Variants in PIEZO2 observed in about 807,000 individuals in gnomAD.
PIEZO2 encodes piezo-type mechanosensitive ion channel component 2.
A neutral mutation model predicts 337.3 loss-of-function variants in PIEZO2; 172 were observed. That is an observed-to-expected ratio of 0.51 (90% CI 0.45 to 0.58). The LOEUF (loss-of-function observed/expected upper bound fraction) is 0.58. Among genes scored for constraint, PIEZO2 ranks in the 20% least tolerant of loss-of-function variants. PIEZO2 has a pLI of 0.00. For missense variants in PIEZO2, 3,028 were observed against 3,391.3 expected, an observed-to-expected ratio of 0.89 and a Z score of 2.66; for synonymous variants, 1,251 against 1,228.5, an observed-to-expected ratio of 1.02 and a Z score of -0.38.
In PIEZO2 at chr18:10,803,905, G is replaced by T. The variant is rs201658108; in HGVS notation, c.1170C>A (p.Tyr390Ter). Residue 390 changes from tyrosine to a stop codon, truncating the protein, a stop_gained, in exon 9 of 56, where the codon TAC becomes TAA. Transcript: ENST00000674853. LOFTEE classifies it high-confidence loss of function. ...ITAGRRRSLW[Y>*]ATHYPTDERK... Reference sequence around the variant, plus strand: ...TCTCATCAGTGGGGTAATGGGTTGCGTACCACAGGCTCCGCCTCCTCCCCG... The same window carrying T: ...TCTCATCAGTGGGGTAATGGGTTGCTTACCACAGGCTCCGCCTCCTCCCCG... 2 of 1,537,170 alleles carry T rather than the reference G, an allele frequency of 1.3e-6. No homozygotes were observed. The highest frequency in any genetic ancestry group is 1.4e-5 in the African/African-American group (1 of 73,052).
chr18:10,825,820 G>A (rs2040658964), intron 7 of PIEZO2, among the ~76,000 whole-genome samples: 1 of 152,052 alleles, frequency 6.6e-6, no homozygotes, highest in Non-Finnish European at 1.5e-5. Context: ...CAAAATGCTG[G>A]TATTATGGGT....
intron 39 of PIEZO2, among the ~76,000 whole-genome samples, chr18:10,712,154 AC>A (rs1181057256): frequency 1.3e-5 from 2 of 152,148 alleles, no homozygotes; most frequent in African/African-American, 2.4e-5. Context: ...CCCTTCGTTC[AC>A]CCTGTAACTA....
Position 10,828,560 on chromosome 18 carries a change from A to G in PIEZO2, c.918-21286T>C, listed in dbSNP as rs927926254. ...TAAAGGTGTGAGTTCTAGGTGGATC[A>G]TTGAATTATTGCAAAGTGTGTGAGA... is the stretch of plus-strand genomic sequence containing the variant. On this transcript the variant is annotated intron_variant, in intron 7 of 55. Coordinates refer to ENST00000674853, the MANE Select transcript of PIEZO2 (RefSeq NM_001378183.1). This position sits in a 1 kb window ranked among gnomAD's most constrained non-coding sequence, Gnocchi z 4.1. 1.3e-5 allele frequency among the ~76,000 whole-genome samples: 2 copies of G among 152,204 alleles called. No individual in the cohort carries two copies. The highest frequency in any genetic ancestry group is 2.9e-5 in the Non-Finnish European group (2 of 68,028).
chr18:11,030,515 A>C (rs2036692824), intron 2 of PIEZO2, among the ~76,000 whole-genome samples: 1 of 152,194 alleles, frequency 6.6e-6, no homozygotes, highest in African/African-American at 2.4e-5. Flanking sequence ...TGTAGTGGTT[A>C]CGGGAAGGAG....
At position 10,872,790 on chromosome 18, in the gene PIEZO2, T is replaced by A. The variant is rs1263095774; in HGVS notation, c.330-1375A>T. Among the ~76,000 whole-genome samples, 1 of 152,128 alleles carries A rather than the reference T, an allele frequency of 6.6e-6. No homozygotes were observed. The stretch of plus-strand genomic sequence containing the variant: ...ATAAGCTGTAACAAGAAAAAGCTAA[T>A]GAAATGACTAGGTGATATGAAGAAA... On this transcript the variant is annotated intron_variant, in intron 4 of 55. Transcript: ENST00000674853. This position sits in a 1 kb window ranked among gnomAD's most constrained non-coding sequence, Gnocchi z 4.3.
At chr18:10,674,461 C>T (rs183154855) in intron 54 of PIEZO2, among the ~76,000 whole-genome samples, 307 of 152,366 alleles carry the variant, frequency 2.0e-3, no homozygotes, top group African/African-American at 7.2e-3. Context: ...CGGCCTTTTG[C>T]CCATCCCCAG....
chr18:10,754,352 G>C (rs2037757076), intron 27 of PIEZO2, among the ~76,000 whole-genome samples: 1 of 152,228 alleles, frequency 6.6e-6, no homozygotes, highest in Non-Finnish European at 1.5e-5. Flanking sequence ...ACCCCTGTTG[G>C]AGAGGAAGAG....
chr18:10,883,713 T>C (rs1280980989), intron 4 of PIEZO2, among the ~76,000 whole-genome samples: 1 of 152,094 alleles, frequency 6.6e-6, no homozygotes, highest in Non-Finnish European at 1.5e-5. Context: ...TTATTCTTCC[T>C]GGTGTACCTG....
At chr18:10,906,715 C>T (rs991401528) in intron 4 of PIEZO2, among the ~76,000 whole-genome samples, 2 of 152,090 alleles carry the variant, frequency 1.3e-5, no homozygotes, top group African/African-American at 4.8e-5. Context: ...CACATGCCGC[C>T]ACGCCTGGCT....
At chr18:11,134,984 C>A (rs1033181002) in intron 1 of PIEZO2, among the ~76,000 whole-genome samples, 1 of 151,492 alleles carries the variant, frequency 6.6e-6, no homozygotes, top group African/African-American at 2.4e-5. Flanking sequence ...ATTGACCCCC[C>A]ACCCCACCCA....
chr18:10,769,812 G>A, intron 21 of PIEZO2: 1 of 196,682 alleles, frequency 5.1e-6, no homozygotes, highest in Non-Finnish European at 1.0e-5. Context: ...ATGTAAACTG[G>A]AATGCTACTG....
In PIEZO2 at chr18:10,830,966, CAAAA is replaced by C. The variant is rs1375309855; in HGVS notation, c.918-23696_918-23693del. Reference sequence around the variant, plus strand: ...AATTTATCACCAGAGAAATGCGAATCAAAACTACAAATTATCTCACCCCAGCTGA... The same window carrying C: ...AATTTATCACCAGAGAAATGCGAATCCTACAAATTATCTCACCCCAGCTGA... On this transcript the variant is annotated intron_variant, in intron 7 of 55. Transcript: ENST00000674853. The surrounding 1 kb of genome is among the most constrained non-coding windows in gnomAD (Gnocchi z 4.7). Among the ~76,000 whole-genome samples the C allele has an allele frequency of 6.6e-6, 1 of 152,106 alleles. No homozygotes were observed.
intron 1 of PIEZO2, among the ~76,000 whole-genome samples, chr18:11,093,323 G>A (rs1394948986): frequency 6.6e-6 from 1 of 152,168 alleles, no homozygotes; most frequent in Non-Finnish European, 1.5e-5. Context: ...ATATCTTGAA[G>A]CAGTTCTAAA....
chr18:10,803,558 C>T (rs1043358302), intron 9 of PIEZO2, among the ~76,000 whole-genome samples: 4 of 152,184 alleles, frequency 2.6e-5, no homozygotes, highest in Non-Finnish European at 5.9e-5. Context: ...TTTTCACCCT[C>T]CAGTGCTAAC....
Position 10,789,103 on chromosome 18 carries a change from G to T in PIEZO2, c.2145C>A (p.Phe715Leu). ...CCTGGTATAGGGCCACACAGAACAG[G>T]AACAGCACCATGTAGATGATTTTGT... is the stretch of plus-strand genomic sequence containing the variant. The part of the protein sequence containing the change: ...VMYKIIYMVL[F>L]LFCVALYQVH... Residue 715 changes from phenylalanine (F) to leucine (L), a missense_variant, in exon 15 of 56, where the codon TTC (phenylalanine) becomes TTA (leucine). By Grantham distance (22) the Phe-to-Leu change is conservative. Around this residue, in one of 5 missense-constraint regions of PIEZO2, gnomAD observed 1,925 missense variants for 2,051.9 expected, o/e 0.94. Coordinates refer to ENST00000674853, the MANE Select transcript of PIEZO2 (RefSeq NM_001378183.1). 6.5e-7 allele frequency: 1 copy of T among 1,537,190 alleles called. No homozygotes were observed. Among genetic ancestry groups the T allele is most frequent in the South Asian group, 1.2e-5 (1 of 84,038 alleles).
At chr18:11,043,243 GCA>G (rs34125787) in intron 2 of PIEZO2, among the ~76,000 whole-genome samples, 18,397 of 149,168 alleles carry the variant, frequency 0.12, 1,201 homozygotes, top group Non-Finnish European at 0.13. Context: ...CCCTTTAAAC[GCA>G]CACACACACA....
Position 11,092,695 on chromosome 18 carries a change from A to G in PIEZO2, c.65-26473T>C, listed in dbSNP as rs9947099. Reference sequence around the variant, plus strand: ...GATCCTGAAAAATGTGAACAAAAAGAGCTTTGTCAAACCAAGAAAGAGGGT... The same window carrying G: ...GATCCTGAAAAATGTGAACAAAAAGGGCTTTGTCAAACCAAGAAAGAGGGT... On this transcript the variant is annotated intron_variant, in intron 1 of 55. Transcript: ENST00000674853. This position sits in a 1 kb window ranked among gnomAD's most constrained non-coding sequence, Gnocchi z 4.5. 0.036 allele frequency among the ~76,000 whole-genome samples: 5,457 copies of G among 152,264 alleles called. 290 individuals carry two copies. Among genetic ancestry groups the G allele is most frequent in the African/African-American group, 0.12 (4,880 of 41,518 alleles).
At chr18:10,864,608 T>C (rs889709871) in intron 5 of PIEZO2, among the ~76,000 whole-genome samples, 5 of 152,330 alleles carry the variant, frequency 3.3e-5, no homozygotes, top group African/African-American at 7.2e-5. Flanking sequence ...AGTAAAGATA[T>C]ACTGAATAAA....
In PIEZO2 at chr18:10,856,550, C is replaced by T. The variant is rs2041710225; in HGVS notation, c.703+451G>A. ...AGCGTCTGTGCTGGAAGATTACAAT[C>T]TAACTTAGGAAGAAAAATAGTCTAT... On this transcript the variant is annotated intron_variant, in intron 6 of 55. Coordinates refer to ENST00000674853, the MANE Select transcript of PIEZO2 (RefSeq NM_001378183.1). This position sits in a 1 kb window ranked among gnomAD's most constrained non-coding sequence, Gnocchi z 4.7. Among the ~76,000 whole-genome samples the T allele has an allele frequency of 6.6e-6, 1 of 152,152 alleles. No individual in the cohort carries two copies. The highest frequency in any genetic ancestry group is 2.1e-4 in the South Asian group (1 of 4,826).
Sources: gnomAD v4.1 joint callset for allele counts (sites outside exome capture counted in the v4.1 genomes callset) on GRCh38, gnomAD v4.1.1 for gene constraint, gnomAD v4.1.1 regional missense constraint, Gnocchi (gnomAD v3.1) non-coding constraint, MANE v1.5 for transcripts, NCBI Gene and HGNC (gene_info 2026-07-23, HGNC 2026-07-21) for gene names.